Variants in ANXA4 observed in about 807,000 individuals in gnomAD.
The protein encoded by ANXA4 is 35-beta calcimedin.
A neutral mutation model predicts 49.8 loss-of-function variants in ANXA4; 39 were observed. The observed-to-expected ratio is 0.78, with a 90% CI of 0.61 to 1.02. The LOEUF (loss-of-function observed/expected upper bound fraction) is 1.02, where lower values mean the gene tolerates loss of function less well. Among genes scored for constraint, ANXA4 ranks in the 50% least tolerant of loss-of-function variants. The pLI is 0.00. For missense variants in ANXA4, 360 were observed against 410.1 expected (o/e 0.88, Z 1.05); for synonymous variants, 134 against 152.5 (o/e 0.88, Z 0.89).
At chr2:69,717,004 A>G (rs953239674) in intron 2 of ANXA4, among the ~76,000 whole-genome samples, 6 of 152,180 alleles carry the variant, frequency 3.9e-5, no homozygotes, top group Non-Finnish European at 7.3e-5. Context: ...AAGACAAAAC[A>G]GATGATAACC....
At chr2:69,689,681 T>C (rs1298621709) in intron 2 of ANXA4, among the ~76,000 whole-genome samples, 1 of 152,218 alleles carries the variant, frequency 6.6e-6, no homozygotes, top group Non-Finnish European at 1.5e-5. Flanking sequence ...CCTTCCTGTG[T>C]GGTTATTCCG....
intron 2 of ANXA4, among the ~76,000 whole-genome samples, chr2:69,715,797 G>A (rs1338933963): frequency 6.6e-6 from 1 of 152,148 alleles, no homozygotes; most frequent in Admixed American, 6.5e-5. Context: ...TGGAGGGAGG[G>A]GTAAGAAGGA....
chr2:69,806,333 G>A, intron 4 of ANXA4, 52 bp from the exon 5 acceptor site: 5 of 1,331,700 alleles, frequency 3.8e-6, no homozygotes, highest in Non-Finnish European at 5.4e-6. Context: ...CTGGAGAGTA[G>A]CTGGTCTAAT....
intron 1 of ANXA4, among the ~76,000 whole-genome samples, chr2:69,761,642 TG>T (rs1220584270): frequency 4.6e-5 from 7 of 152,220 alleles, no homozygotes; most frequent in African/African-American, 1.4e-4. Flanking sequence ...AAAACGTAGC[TG>T]GGTGCAGTGG....
At chr2:69,810,559 T>G (rs773252970) in intron 6 of ANXA4, 35 bp from the exon 7 acceptor site, 1 of 1,582,066 alleles carries the variant, frequency 6.3e-7, no homozygotes, top group Non-Finnish European at 8.7e-7. Context: ...GCAAGACTCT[T>G]AATTCTGAAG....
At chr2:69,773,621 C>CT (rs67161210) in intron 1 of ANXA4, among the ~76,000 whole-genome samples, 1,456 of 93,092 alleles carry the variant, frequency 0.016, 73 homozygotes, top group East Asian at 0.082. Context: ...TTCTTTCCTT[C>CT]TTTTTTTTTT....
intron 3 of ANXA4, among the ~76,000 whole-genome samples, chr2:69,794,162 T>C (rs1294013802): frequency 6.6e-6 from 1 of 152,218 alleles, no homozygotes; most frequent in Non-Finnish European, 1.5e-5. Flanking sequence ...GGACTGCAGA[T>C]CCCTTTAGCA....
At chr2:69,673,210 G>A (rs144189808) in intron 2 of ANXA4, among the ~76,000 whole-genome samples, 2,415 of 152,220 alleles carry the variant, frequency 0.016, 73 homozygotes, top group African/African-American at 0.055. Context: ...GCACAGGTAT[G>A]TTTAGTGCAG....
At chr2:69,709,516 G>T (rs1390847992) in intron 2 of ANXA4, among the ~76,000 whole-genome samples, 1 of 152,198 alleles carries the variant, frequency 6.6e-6, no homozygotes, top group Non-Finnish European at 1.5e-5. Flanking sequence ...TCTCTTCTAA[G>T]TATTCAAGGC....
Position 69,780,929 on chromosome 2 carries a change from G to C in ANXA4, c.-46-591G>C, listed in dbSNP as rs186453599. Reference sequence around the variant, plus strand: ...GTGTGATGATGATGAAAGAGGGGGTGCTGAAAACCGAGGACAAAGTTGAGT... The same window carrying C: ...GTGTGATGATGATGAAAGAGGGGGTCCTGAAAACCGAGGACAAAGTTGAGT... On this transcript the variant is annotated intron_variant, in intron 1 of 12. Coordinates refer to ENST00000394295, the MANE Select transcript of ANXA4 (RefSeq NM_001153.5). 7.9e-5 allele frequency among the ~76,000 whole-genome samples: 12 copies of C among 152,306 alleles called. No homozygotes were observed. The East Asian group carries it at 2.3e-3, about 29-fold the overall frequency.
chr2:69,708,855 A>G (rs1308657684), intron 2 of ANXA4, among the ~76,000 whole-genome samples: 1 of 152,088 alleles, frequency 6.6e-6, no homozygotes. Context: ...TGTCTCTACT[A>G]AAAATACAAA....
intron 1 of ANXA4, among the ~76,000 whole-genome samples, chr2:69,757,551 G>T (rs1671112585): frequency 1.3e-5 from 2 of 151,020 alleles, no homozygotes; most frequent in East Asian, 3.9e-4. Context: ...GGGGTTACAG[G>T]TGTGAGCCAC....
At chr2:69,744,083 GAAGTTCCAGAATAAACAA>G in intron 1 of ANXA4, among the ~76,000 whole-genome samples, 1 of 152,258 alleles carries the variant, frequency 6.6e-6, no homozygotes, top group South Asian at 2.1e-4. Context: ...GGGAGTACCT[GAAGTTCCAGAATAAACAA>G]GGGGTGGGGA....
Position 69,814,781 on chromosome 2 carries a change from TGTGTGTGTGTGTGA to T in ANXA4, c.535-1318_535-1305del, listed in dbSNP as rs1224702270. 4.4e-3 allele frequency: 475 copies of T among 106,758 alleles called. 6 individuals carry two copies. Among genetic ancestry groups the T allele is most frequent in the East Asian group, 0.02 (71 of 3,566 alleles). 6.6% of individuals were successfully genotyped at this position (106,758 alleles called of 1,614,324 possible). A position where few individuals can be genotyped will look rare whatever the true frequency, so the allele number is the denominator to read the frequency against. Reference sequence around the variant, plus strand: ...GTGTGTGTGTGTGTGTGTGTGTGTGTGTGTGTGTGTGTGAGAGAAAGAGAGAGAGGATGGAGTTG... The same window carrying T: ...GTGTGTGTGTGTGTGTGTGTGTGTGTGAGAAAGAGAGAGAGGATGGAGTTG... On this transcript the variant is annotated intron_variant, in intron 8 of 12. Coordinates refer to ENST00000394295, the MANE Select transcript of ANXA4 (RefSeq NM_001153.5).
chr2:69,734,044 C>T (rs6735338), intron 3 of ANXA4, among the ~76,000 whole-genome samples: 12,543 of 152,004 alleles, frequency 0.083, 1,588 homozygotes, highest in African/African-American at 0.27. Context: ...TAGAATCTTC[C>T]TCTCATTATC....
intron 2 of ANXA4, among the ~76,000 whole-genome samples, chr2:69,661,046 T>C (rs1393259259): frequency 6.6e-6 from 1 of 151,968 alleles, no homozygotes; most frequent in Non-Finnish European, 1.5e-5. Flanking sequence ...AGAGGAAATA[T>C]AGATTACTCA....
At chr2:69,748,763 T>G (rs1296022665) in intron 1 of ANXA4, among the ~76,000 whole-genome samples, 2 of 149,342 alleles carry the variant, frequency 1.3e-5, no homozygotes, top group East Asian at 3.9e-4. Flanking sequence ...AAGGCTGGAG[T>G]GTAGTGGCAT....
chr2:69,738,026 A>T (rs1368895824), upstream of ANXA4, among the ~76,000 whole-genome samples: 1 of 152,186 alleles, frequency 6.6e-6, no homozygotes, highest in African/African-American at 2.4e-5. Context: ...ACAATGAATA[A>T]TTTTTAGTAT....
intron 3 of ANXA4, 119 bp from the exon 4 acceptor site, chr2:69,804,414 G>A: frequency 2.4e-6 from 2 of 826,072 alleles, no homozygotes; most frequent in East Asian, 2.7e-5. Context: ...CTGAATAAGG[G>A]CCTCTTTTCT....
Sources: gnomAD v4.1 joint callset for allele counts (sites outside exome capture counted in the v4.1 genomes callset) on GRCh38, gnomAD v4.1.1 for gene constraint, MANE v1.5 for transcripts, NCBI Gene and HGNC (gene_info 2026-07-23, HGNC 2026-07-21) for gene names.